SALL2: variants seen among roughly 807,000 people sequenced by gnomAD.
SALL2 encodes the protein sal-like protein 2.
In SALL2, 32 loss-of-function variants were observed where a neutral mutation model predicts 58.5. That is an observed-to-expected ratio of 0.55 (90% CI 0.41 to 0.74). SALL2 has a LOEUF of 0.74. Ranked by LOEUF, SALL2 falls within the 30% of genes least tolerant of loss-of-function variation. The pLI is 0.00. For missense variants in SALL2, 1,201 were observed against 1,268.9 expected (o/e 0.95, Z 0.81); for synonymous variants, 516 against 513.6 (o/e 1.00, Z -0.06).
At position 21,524,314 on chromosome 14, in the gene SALL2, C is replaced by A. The variant is rs1303612319; in HGVS notation, c.1408G>T (p.Val470Phe). 3 of 1,613,592 alleles carry A rather than the reference C, an allele frequency of 1.9e-6. No homozygotes were observed. The highest frequency in any genetic ancestry group is 2.5e-6 in the Non-Finnish European group (3 of 1,179,848). The change falls in exon 2 of 2, where the codon GTT (valine) becomes TTT (phenylalanine). Residue 470 changes from valine to phenylalanine, a missense_variant. By Grantham distance (50) the Val-to-Phe change is conservative (BLOSUM62 -1). Around this residue, in one of 3 missense-constraint regions of SALL2, gnomAD observed 675 missense variants for 683.8 expected, o/e 0.99. Transcript: ENST00000537235. ...EEEAATPGGG[V>F]ERKPLVASTT... ...GAGGCCACCAGAGGCTTGCGCTCAA[C>A]CCCTCCACCTGGAGTGGCTGCCTCC...
Position 21,522,069 on chromosome 14 carries a change from AG to A in SALL2, c.*634del, listed in dbSNP as rs576985829. The stretch of plus-strand genomic sequence containing the variant: ...CTTGGGTGCAGGAGGCTGAAATAGG[AG>A]GGGGGCTGTCTTCTCCTTGGCTTCC... On this transcript the variant is annotated 3_prime_UTR_variant, in exon 2 of 2. Transcript: ENST00000537235. 1,021 of 1,597,416 alleles carry A rather than the reference AG, an allele frequency of 6.4e-4. 2 individuals carry two copies. Among genetic ancestry groups the A allele is most frequent in the African/African-American group, 1.6e-3 (122 of 74,964 alleles).
In SALL2 at chr14:21,522,237, T is replaced by C. The variant is rs753145441; in HGVS notation, c.*467A>G. ...CAGGCCATTTGACAGGAATGCCACATACTGGTTCTAGAAAGATAGGGGACC... is the reference window on the plus strand; with the variant it reads ...CAGGCCATTTGACAGGAATGCCACACACTGGTTCTAGAAAGATAGGGGACC... On this transcript the variant is annotated 3_prime_UTR_variant, in exon 2 of 2. Coordinates refer to ENST00000537235, the MANE Select transcript of SALL2 (RefSeq NM_001364564.1). 2.3e-5 allele frequency: 36 copies of C among 1,592,710 alleles called. No individual in the cohort carries two copies. The highest frequency in any genetic ancestry group is 2.7e-5 in the Non-Finnish European group (32 of 1,177,354).
chr14:21,523,584 C>T lies in SALL2; in HGVS notation c.2138G>A (p.Gly713Glu), dbSNP rs756771825. Reference protein sequence around the residue: ...TLQQHVRMHLGGQIPNGGTAL... With the variant: ...TLQQHVRMHLEGQIPNGGTAL... ...AGTACCACCGTTGGGGATCTGGCCC[C>T]CCAGGTGCATCCGGACATGCTGCTG... The change falls in exon 2 of 2, where the codon GGG (glycine) becomes GAG (glutamate). Residue 713 changes from glycine (G) to glutamate (E), a missense_variant. Coordinates refer to ENST00000537235, the MANE Select transcript of SALL2 (RefSeq NM_001364564.1). The surrounding 1 kb of genome is among the most constrained non-coding windows in gnomAD (Gnocchi z 4.4). 6.2e-7 allele frequency: 1 copy of T among 1,614,108 alleles called. No individual in the cohort carries two copies. Among genetic ancestry groups the T allele is most frequent in the African/African-American group, 1.3e-5 (1 of 74,932 alleles).
Position 21,524,366 on chromosome 14 carries a change from C to G in SALL2, c.1356G>C (p.Met452Ile). 6.2e-7 allele frequency: 1 copy of G among 1,614,190 alleles called. No homozygotes were observed. ...VITSSGLPYG[M>I]SVPPEKAEEE... ...CCTCGGCCTTCTCTGGTGGCACGGA[C>G]ATACCATAAGGCAAGCCACTGCTGG... The change falls in exon 2 of 2, where the codon ATG becomes ATC. Residue 452 changes from methionine to isoleucine, a missense_variant. This residue lies in a region of SALL2 where 59 missense variants were observed against 116.2 expected (regional missense o/e 0.51). Transcript: ENST00000537235.
chr14:21,525,265 C>A lies in SALL2; in HGVS notation c.457G>T (p.Glu153Ter). 1 of 1,611,756 alleles carries A rather than the reference C, an allele frequency of 6.2e-7. No individual in the cohort carries two copies. The highest frequency in any genetic ancestry group is 8.5e-7 in the Non-Finnish European group (1 of 1,178,740). Residue 153 changes from glutamate to a stop codon, truncating the protein, a stop_gained, in exon 2 of 2, where the codon GAA becomes TAA. Coordinates refer to ENST00000537235, the MANE Select transcript of SALL2 (RefSeq NM_001364564.1). LOFTEE classifies it high-confidence loss of function. This position sits in a 1 kb window ranked among gnomAD's most constrained non-coding sequence, Gnocchi z 4.4. ...GGAGGAGGGGGTGCAGGGGTCGATT[C>A]TGGAGGTAATGGGGTTGCTCCCAGC... Reference protein sequence around the residue: ...PKLGATPLPPESTPAPPPPPP... With the variant: ...PKLGATPLPP
At position 21,524,563 on chromosome 14, in the gene SALL2, G is replaced by C. The variant is rs1892197718; in HGVS notation, c.1159C>G (p.Gln387Glu). The change falls in exon 2 of 2, where the codon CAG becomes GAG. Residue 387 changes from glutamine to glutamate, a missense_variant. By Grantham distance (29) the Gln-to-Glu change is conservative. Coordinates refer to ENST00000537235, the MANE Select transcript of SALL2 (RefSeq NM_001364564.1). ...AKVFGSDSAL[Q>E]IHLRSHTGER... ...CCCGTGTGGGAACGAAGGTGGATCT[G>C]CAGGGCACTGTCACTGCCAAATACT... The C allele has an allele frequency of 5.6e-6, 9 of 1,614,276 alleles. No individual in the cohort carries two copies. The highest frequency in any genetic ancestry group is 7.6e-6 in the Non-Finnish European group (9 of 1,180,052).
chr14:21,522,155 T>G lies in SALL2; in HGVS notation c.*549A>C, dbSNP rs762214098. The stretch of plus-strand genomic sequence containing the variant: ...CAGTTCCTAGGCCAAACAGCACTGG[T>G]GGGGCCAGGCTTGGAGTGGTAGTGG... On this transcript the variant is annotated 3_prime_UTR_variant, in exon 2 of 2. Transcript: ENST00000537235. 6.3e-7 allele frequency: 1 copy of G among 1,597,880 alleles called. No homozygotes were observed. Among genetic ancestry groups the G allele is most frequent in the Non-Finnish European group, 8.5e-7 (1 of 1,179,662 alleles).
In SALL2 at chr14:21,523,302, T is replaced by C; in HGVS notation, c.2420A>G (p.Glu807Gly). Residue 807 changes from glutamate (E) to glycine (G), a missense_variant, in exon 2 of 2, where the codon GAG becomes GGG. By Grantham distance (98) the Glu-to-Gly change is moderately conservative. This residue lies in a region of SALL2 where 675 missense variants were observed against 683.8 expected (regional missense o/e 0.99). Transcript: ENST00000537235. The surrounding 1 kb of genome is among the most constrained non-coding windows in gnomAD (Gnocchi z 4.4). ...RGDSEEASGA[E>G]EEVGTVAAAA... ...TGCCGCCACTGTCCCCACCTCCTCCTCTGCCCCAGATGCCTCTTCTGAATC... is the reference window on the plus strand; with the variant it reads ...TGCCGCCACTGTCCCCACCTCCTCCCCTGCCCCAGATGCCTCTTCTGAATC... 1 of 1,613,780 alleles carries C rather than the reference T, an allele frequency of 6.2e-7. No individual in the cohort carries two copies.
chr14:21,527,657 G>T (rs1892357213), upstream of SALL2, among the ~76,000 whole-genome samples: 1 of 151,964 alleles, frequency 6.6e-6, no homozygotes, highest in Non-Finnish European at 1.5e-5. Context: ...AATATTGTGG[G>T]GACAAAAAAT....
chr14:21,536,853 C>T (rs910705475), intron 1 of SALL2: 1 of 1,614,098 alleles, frequency 6.2e-7, no homozygotes, highest in Admixed American at 1.7e-5. Flanking sequence ...ACCCACCGTT[C>T]TCAGACGCGC....
At position 21,524,381 on chromosome 14, in the gene SALL2, G is replaced by C; in HGVS notation, c.1341C>G (p.Gly447=). ...EHLDYVITSS[G]LPYGMSVPPE... ...GTGGCACGGACATACCATAAGGCAA[G>C]CCACTGCTGGTAATGACATAGTCTA... The change falls in exon 2 of 2, where the codon GGC becomes GGG. Residue 447 remains glycine, a synonymous_variant. Transcript: ENST00000537235. 6.2e-7 allele frequency: 1 copy of C among 1,614,222 alleles called. No individual in the cohort carries two copies. The highest frequency in any genetic ancestry group is 2.2e-5 in the East Asian group (1 of 44,884).
chr14:21,524,009 G>A lies in SALL2; in HGVS notation c.1713C>T (p.Phe571=). 6.2e-7 allele frequency: 1 copy of A among 1,614,226 alleles called. No individual in the cohort carries two copies. The highest frequency in any genetic ancestry group is 8.5e-7 in the Non-Finnish European group (1 of 1,180,038). Residue 571 remains phenylalanine (F), a synonymous_variant, in exon 2 of 2, where the codon TTC becomes TTT. Coordinates refer to ENST00000537235, the MANE Select transcript of SALL2 (RefSeq NM_001364564.1). ...LTNHFKSTGS[F]PFPYVLEPLG... The stretch of plus-strand genomic sequence containing the variant: ...AGGGCTCTAGCACATAGGGGAAGGG[G>A]AAGCTGCCAGTGGACTTGAAGTGGT...
chr14:21,536,898 T>C (rs754837394), intron 1 of SALL2: 2 of 1,613,942 alleles, frequency 1.2e-6, no homozygotes, highest in Non-Finnish European at 1.7e-6. Context: ...ACTGTTGGGG[T>C]TTCCGCTGCT....
In SALL2 at chr14:21,522,667, C is replaced by A; in HGVS notation, c.*37G>T. 1 of 1,509,190 alleles carries A rather than the reference C, an allele frequency of 6.6e-7. No individual in the cohort carries two copies. The highest frequency in any genetic ancestry group is 1.4e-5 in the South Asian group (1 of 72,554). The allele number at this position is 1,509,190 out of a possible 1,614,324, so 93.5% of individuals were successfully genotyped here. A position where few individuals can be genotyped will look rare whatever the true frequency, so the allele number is the denominator to read the frequency against. ...GTCCTTTTGTGAAGCTGTTTCTGCT[C>A]TGTGGGACAAAGAGCAGCAGGTACA... On this transcript the variant is annotated 3_prime_UTR_variant, in exon 2 of 2. Transcript: ENST00000537235.
upstream of SALL2, among the ~76,000 whole-genome samples, chr14:21,528,770 TTGTA>T (rs1442095571): frequency 1.3e-5 from 2 of 152,164 alleles, no homozygotes; most frequent in Non-Finnish European, 2.9e-5. Context: ...CACATCAACT[TTGTA>T]TGGCTTCCCT....
At position 21,525,976 on chromosome 14, in the gene SALL2, T is replaced by C. The variant is rs1892286477; in HGVS notation, c.67+85A>G. ...GGGCCTACGCAGAGAATCATGCATT[T>C]TCTCCCACCCACCGAAAGTCTTCGC... is the stretch of plus-strand genomic sequence containing the variant. On this transcript the variant is annotated intron_variant, in intron 1 of 1. Transcript: ENST00000537235. The surrounding 1 kb of genome is among the most constrained non-coding windows in gnomAD (Gnocchi z 4.4). 6.4e-6 allele frequency: 8 copies of C among 1,257,758 alleles called. 1 individual carries two copies. In the South Asian group the frequency reaches 1.0e-4, roughly 16 times the overall value. 77.9% of individuals were successfully genotyped at this position (1,257,758 alleles called of 1,614,324 possible).
Position 21,523,682 on chromosome 14 carries a change from C to T in SALL2, c.2040G>A (p.Lys680=). The T allele has an allele frequency of 6.2e-7, 1 of 1,614,218 alleles. No homozygotes were observed. The highest frequency in any genetic ancestry group is 8.5e-7 in the Non-Finnish European group (1 of 1,180,042). ...TCTGTGCCCGGGCAGCTGGACTGGCCTTGTGGCCCACGAAATGTGCACGCA... is the reference window on the plus strand; with the variant it reads ...TCTGTGCCCGGGCAGCTGGACTGGCTTTGTGGCCCACGAAATGTGCACGCA... The part of the protein sequence containing the change: ...GNLRAHFVGH[K]ASPAARAQNS... The change falls in exon 2 of 2, where the codon AAG becomes AAA. Residue 680 remains lysine, a synonymous_variant. Coordinates refer to ENST00000537235, the MANE Select transcript of SALL2 (RefSeq NM_001364564.1). The surrounding 1 kb of genome is among the most constrained non-coding windows in gnomAD (Gnocchi z 4.4).
rs551672767 is a variant in SALL2 at position 21,521,706 on chromosome 14, A to T, written c.*998T>A. On this transcript the variant is annotated 3_prime_UTR_variant, in exon 2 of 2. Coordinates refer to ENST00000537235, the MANE Select transcript of SALL2 (RefSeq NM_001364564.1). ...TAGTTCATCAACCATGCTGACCAAA[A>T]ATGCTCCTTAAAGATACGAACTTCA... 2.2e-5 allele frequency: 7 copies of T among 315,496 alleles called. No individual in the cohort carries two copies. In the South Asian group the frequency reaches 3.5e-4, roughly 16 times the overall value. 19.5% of individuals were successfully genotyped at this position (315,496 alleles called of 1,614,324 possible). A position where few individuals can be genotyped will look rare whatever the true frequency, so the allele number is the denominator to read the frequency against.
chr14:21,534,325 C>T (rs1436940947), intron 1 of SALL2, among the ~76,000 whole-genome samples: 13 of 152,126 alleles, frequency 8.5e-5, no homozygotes, highest in African/African-American at 2.7e-4. Context: ...GGCTTTCTTA[C>T]GGTAGATCTT....
Sources: gnomAD v4.1 joint callset for allele counts (sites outside exome capture counted in the v4.1 genomes callset) on GRCh38, gnomAD v4.1.1 for gene constraint, gnomAD v4.1.1 regional missense constraint, Gnocchi (gnomAD v3.1) non-coding constraint, MANE v1.5 for transcripts, NCBI Gene and HGNC (gene_info 2026-07-23, HGNC 2026-07-21) for gene names.